Variants in GPATCH8 observed in about 807,000 individuals in gnomAD.
GPATCH8 encodes G patch domain-containing protein 8.
A neutral mutation model predicts 118.3 loss-of-function variants in GPATCH8; 18 were observed. The ratio of observed to expected loss-of-function variants is 0.15; its 90% CI spans 0.11 to 0.23. GPATCH8 has a LOEUF of 0.23. Among genes scored for constraint, GPATCH8 ranks in the 10% least tolerant of loss-of-function variants. The pLI, the probability that GPATCH8 is intolerant of heterozygous loss-of-function variation, is 1.00. For missense variants in GPATCH8, 1,631 were observed against 1,873.8 expected (o/e 0.87, Z 2.39); for synonymous variants, 659 against 684.7 (o/e 0.96, Z 0.59).
chr17:44,463,240 T>G (rs576135193), intron 3 of GPATCH8, among the ~76,000 whole-genome samples: 1 of 152,238 alleles, frequency 6.6e-6, no homozygotes, highest in Admixed American at 6.5e-5. Flanking sequence ...CTCAACACAC[T>G]TGAATTGATC....
intron 7 of GPATCH8, among the ~76,000 whole-genome samples, chr17:44,404,295 GC>G (rs1259577926): frequency 2.0e-5 from 3 of 151,848 alleles, no homozygotes; most frequent in Non-Finnish European, 4.4e-5. Context: ...GTGCCACCAT[GC>G]CCGGCTAATT....
intron 3 of GPATCH8, among the ~76,000 whole-genome samples, chr17:44,445,502 CTT>C (rs113545278): frequency 0.022 from 3,242 of 146,466 alleles, 122 homozygotes; most frequent in African/African-American, 0.074. Context: ...ATTTCTTTTT[CTT>C]TTTTTTTTTT....
intron 1 of GPATCH8, among the ~76,000 whole-genome samples, chr17:44,488,337 G>A (rs1968956886): frequency 6.7e-6 from 1 of 149,888 alleles, no homozygotes; most frequent in South Asian, 2.1e-4. Context: ...TGGGACTACA[G>A]GTGTGCACCA....
At chr17:44,412,915 G>A (rs1434773819) in intron 6 of GPATCH8, among the ~76,000 whole-genome samples, 1 of 151,972 alleles carries the variant, frequency 6.6e-6, no homozygotes, top group African/African-American at 2.4e-5. Context: ...TAATCATGCT[G>A]TAGTTGTTGC....
intron 3 of GPATCH8, among the ~76,000 whole-genome samples, chr17:44,456,110 C>T (rs2144227596): frequency 6.7e-6 from 1 of 150,220 alleles, no homozygotes; most frequent in African/African-American, 2.4e-5. Context: ...ACAGGTCTTG[C>T]TTATTTATTT....
intron 1 of GPATCH8, among the ~76,000 whole-genome samples, chr17:44,489,962 C>T (rs1969116191): frequency 6.6e-6 from 1 of 151,974 alleles, no homozygotes. Context: ...TCTGAAATTC[C>T]TTTAGATCTA....
At chr17:44,500,416 AAGTT>A (rs1483736735) in intron 1 of GPATCH8, among the ~76,000 whole-genome samples, 1 of 152,232 alleles carries the variant, frequency 6.6e-6, no homozygotes, top group Non-Finnish European at 1.5e-5. Flanking sequence ...CAATTAAAAA[AAGTT>A]AGGTCCCTGA....
At chr17:44,476,307 T>C (rs1390988963) in intron 1 of GPATCH8, among the ~76,000 whole-genome samples, 1 of 151,904 alleles carries the variant, frequency 6.6e-6, no homozygotes, top group East Asian at 1.9e-4. Context: ...CAGGCTCAAG[T>C]GGTATTCGTG....
intron 1 of GPATCH8, among the ~76,000 whole-genome samples, chr17:44,490,089 G>C (rs911612825): frequency 1.3e-5 from 2 of 152,044 alleles, no homozygotes; most frequent in African/African-American, 4.8e-5. Context: ...CTTGAGCCCA[G>C]GAGTTCAAGA....
At chr17:44,459,471 G>C (rs771024585) in intron 3 of GPATCH8, among the ~76,000 whole-genome samples, 7 of 152,104 alleles carry the variant, frequency 4.6e-5, no homozygotes, top group Non-Finnish European at 1.0e-4. Flanking sequence ...ATGGTACCTT[G>C]TCCCTTCACT....
intron 1 of GPATCH8, 63 bp downstream of exon 1, chr17:44,503,263 G>C: frequency 7.2e-7 from 1 of 1,398,348 alleles, no homozygotes. Context: ...GGGAGCCGGA[G>C]ATGAAGGAGG....
In GPATCH8 at chr17:44,398,309, C is replaced by T. The variant is rs1159264256; in HGVS notation, c.3768G>A (p.Leu1256=). Residue 1256 remains leucine, a synonymous_variant, in exon 8 of 8, where the codon CTG becomes CTA. Coordinates refer to ENST00000591680, the MANE Select transcript of GPATCH8 (RefSeq NM_001002909.4). The stretch of plus-strand genomic sequence containing the variant: ...CAGGGCCTGGCTGACTGCTGCTATC[C>T]AGGGACTCCAGGGTGTCCCCATCAC... ...DPSDGDTLES[L]DSSSQPGPVE... is the part of the protein sequence containing the mutation. 1 of 1,613,934 alleles carries T rather than the reference C, an allele frequency of 6.2e-7. No homozygotes were observed. The highest frequency in any genetic ancestry group is 1.7e-5 in the Admixed American group (1 of 60,016).
At chr17:44,496,239 T>C (rs1309811706) in intron 1 of GPATCH8, among the ~76,000 whole-genome samples, 1 of 152,170 alleles carries the variant, frequency 6.6e-6, no homozygotes, top group Non-Finnish European at 1.5e-5. Flanking sequence ...CAGCACTGCC[T>C]ACAAAAATGA....
rs143605341 is a variant in GPATCH8 at position 44,428,766 on chromosome 17, C to T, written c.349-4274G>A. 2.1e-3 allele frequency among the ~76,000 whole-genome samples: 320 copies of T among 151,872 alleles called. 1 individual carries two copies. The highest frequency in any genetic ancestry group is 3.6e-3 in the Non-Finnish European group (244 of 67,970). On this transcript the variant is annotated intron_variant, in intron 5 of 7. Transcript: ENST00000591680. Reference sequence around the variant, plus strand: ...TGCAGTAAGCTGTGATCACTGCCACCGCACTTCTAGGTGACAGAGTGAGAT... The same window carrying T: ...TGCAGTAAGCTGTGATCACTGCCACTGCACTTCTAGGTGACAGAGTGAGAT...
chr17:44,480,588 C>T (rs1217491474), intron 1 of GPATCH8, among the ~76,000 whole-genome samples: 1 of 152,022 alleles, frequency 6.6e-6, no homozygotes, highest in African/African-American at 2.4e-5. Context: ...GGCGTGGTGG[C>T]TCATGCTTGT....
At position 44,397,955 on chromosome 17, in the gene GPATCH8, A is replaced by T. The variant is rs752322047; in HGVS notation, c.4122T>A (p.Thr1374=). Residue 1374 remains threonine, a synonymous_variant, in exon 8 of 8, where the codon ACT becomes ACA. Coordinates refer to ENST00000591680, the MANE Select transcript of GPATCH8 (RefSeq NM_001002909.4). ...GATGTTGTAGGATGGCATGCTGAAC[A>T]GTTGTGATGGAGGTGGCAGAGGCTG... ...PATASATSIT[T]VQHAILQHHA... 3 of 1,613,932 alleles carry T rather than the reference A, an allele frequency of 1.9e-6. No individual in the cohort carries two copies. In the Admixed American group the frequency reaches 5.0e-5, roughly 27 times the overall value.
chr17:44,461,198 T>A (rs2051533810), intron 3 of GPATCH8, among the ~76,000 whole-genome samples: 1 of 152,192 alleles, frequency 6.6e-6, no homozygotes, highest in South Asian at 2.1e-4. Context: ...TTATTTATTT[T>A]AAACAGAGGG....
intron 3 of GPATCH8, among the ~76,000 whole-genome samples, chr17:44,449,270 T>C (rs1297021875): frequency 6.6e-6 from 1 of 152,148 alleles, no homozygotes; most frequent in Non-Finnish European, 1.5e-5. Flanking sequence ...ATAGCGAAAC[T>C]GTCTCCAAAA....
At chr17:44,433,284 C>T (rs1171382762) in intron 5 of GPATCH8, among the ~76,000 whole-genome samples, 1 of 152,114 alleles carries the variant, frequency 6.6e-6, no homozygotes, top group Non-Finnish European at 1.5e-5. Flanking sequence ...ATATTTCAGA[C>T]AGTACATAAA....
Sources: allele counts gnomAD v4.1 joint callset (sites outside exome capture counted in the v4.1 genomes callset), GRCh38; gene constraint gnomAD v4.1.1; transcripts MANE v1.5; gene names NCBI Gene and HGNC (gene_info 2026-07-23, HGNC 2026-07-21).